The following GRIK4 variants were observed in gnomAD, a reference collection of about 807,000 sequenced individuals.
GRIK4 encodes the protein glutamate ionotropic receptor kainate type subunit 4, also known as glutamate receptor ionotropic, kainate 4.
Under a neutral mutation model 104.9 loss-of-function variants are expected in GRIK4, and 40 were observed. That is an observed-to-expected ratio of 0.38 (90% CI 0.30 to 0.50). The LOEUF (loss-of-function observed/expected upper bound fraction) is 0.50. Among genes scored for constraint, GRIK4 ranks in the 20% least tolerant of loss-of-function variants. GRIK4 has a pLI of 0.93. For synonymous variants in GRIK4, 485 were observed against 524.9 expected (o/e 0.92, Z 1.04); for missense variants, 1,047 against 1,308.1 (o/e 0.80, Z 3.08).
At chr11:120,579,307 A>G (rs12284644) in intron 1 of GRIK4, among the ~76,000 whole-genome samples, 76,947 of 151,290 alleles carry the variant, frequency 0.51, 20,533 homozygotes, top group African/African-American at 0.67. Context: ...AACTGAGGAG[A>G]CCACACTTAT....
chr11:120,665,223 T>G (rs1949892511), intron 3 of GRIK4, among the ~76,000 whole-genome samples: 1 of 152,150 alleles, frequency 6.6e-6, no homozygotes, highest in Non-Finnish European at 1.5e-5. Flanking sequence ...AGCTGAATTC[T>G]TTGCCTTGTA....
intron 3 of GRIK4, among the ~76,000 whole-genome samples, chr11:120,685,572 C>T (rs1950262505): frequency 6.6e-6 from 1 of 152,152 alleles, no homozygotes; most frequent in South Asian, 2.1e-4. Flanking sequence ...TTGCTGTGCC[C>T]CATGTCCCTG....
chr11:120,667,921 A>G (rs1423264041), intron 3 of GRIK4, among the ~76,000 whole-genome samples: 1 of 152,196 alleles, frequency 6.6e-6, no homozygotes, highest in Non-Finnish European at 1.5e-5. Context: ...GACTCTATCT[A>G]TCTGAGTATG....
At chr11:120,668,412 A>C (rs1325307700) in intron 3 of GRIK4, among the ~76,000 whole-genome samples, 1 of 152,052 alleles carries the variant, frequency 6.6e-6, no homozygotes, top group Non-Finnish European at 1.5e-5. Flanking sequence ...AAAGAAAACA[A>C]AAAGGAAAGA....
In GRIK4 at chr11:120,897,360, C is replaced by T. The variant is rs558797610; in HGVS notation, c.1165-1172C>T. On this transcript the variant is annotated intron_variant, in intron 11 of 20. Coordinates refer to ENST00000527524, the MANE Select transcript of GRIK4 (RefSeq NM_014619.5). ...GGTAAAAGAGTACATCTCGGCCGGG[C>T]GCGGTGGCTCATGCCTGTAATCCCA... 1.8e-3 allele frequency among the ~76,000 whole-genome samples: 259 copies of T among 145,692 alleles called. 1 individual carries two copies. The highest frequency in any genetic ancestry group is 4.3e-3 in the South Asian group (19 of 4,470).
intron 6 of GRIK4, among the ~76,000 whole-genome samples, chr11:120,826,766 C>T (rs1356738288): frequency 3.3e-5 from 5 of 152,218 alleles, no homozygotes; most frequent in Admixed American, 1.3e-4. Context: ...CCTGCCTGTT[C>T]CTGGAGCAAA....
intron 9 of GRIK4, among the ~76,000 whole-genome samples, chr11:120,866,839 AC>A (rs1173966306): frequency 6.6e-6 from 1 of 152,068 alleles, no homozygotes; most frequent in East Asian, 1.9e-4. Flanking sequence ...CTTGCTGAGG[AC>A]GGCAGGGCTC....
chr11:120,635,187 G>A (rs993245615), intron 1 of GRIK4, among the ~76,000 whole-genome samples: 1 of 152,162 alleles, frequency 6.6e-6, no homozygotes, highest in Non-Finnish European at 1.5e-5. Flanking sequence ...GATCATCTTG[G>A]GTTAGGAACC....
At position 120,909,375 on chromosome 11, in the gene GRIK4, G is replaced by T. The variant is rs543250795; in HGVS notation, c.1476+3882G>T. 3.3e-5 allele frequency among the ~76,000 whole-genome samples: 5 copies of T among 152,302 alleles called. No individual in the cohort carries two copies. The South Asian group carries it at 1.0e-3, about 32-fold the overall frequency. ...AGAAGTATATGTTTGCTAGTACAAA[G>T]AATAAAATTAGGCCAATTGTCAACA... On this transcript the variant is annotated intron_variant, in intron 13 of 20. Coordinates refer to ENST00000527524, the MANE Select transcript of GRIK4 (RefSeq NM_014619.5).
chr11:120,516,668 G>A (rs1423521340), intron 1 of GRIK4, among the ~76,000 whole-genome samples: 1 of 152,270 alleles, frequency 6.6e-6, no homozygotes, highest in African/African-American at 2.4e-5. Flanking sequence ...AGGCGAAAGG[G>A]GGGTAAGCTT....
chr11:120,706,091 C>T (rs1175298470), intron 3 of GRIK4, among the ~76,000 whole-genome samples: 1 of 152,160 alleles, frequency 6.6e-6, no homozygotes, highest in Non-Finnish European at 1.5e-5. Context: ...GGACAGCCAC[C>T]ATGACCAAGT....
Position 120,970,511 on chromosome 11 carries a change from C to A in GRIK4, c.2395+3188C>A, listed in dbSNP as rs112405438. ...TTGCTACTGAGTTGATCACATCTTT[C>A]CAGTTCCCCTTTTCCTCCCTGAACC... On this transcript the variant is annotated intron_variant, in intron 19 of 20. Transcript: ENST00000527524. Among the ~76,000 whole-genome samples the A allele has an allele frequency of 6.6e-5, 10 of 152,304 alleles. 1 individual carries two copies. Among genetic ancestry groups the A allele is most frequent in the East Asian group, 1.9e-4 (1 of 5,188 alleles).
intron 1 of GRIK4, among the ~76,000 whole-genome samples, chr11:120,612,228 A>C (rs1949046475): frequency 6.6e-6 from 1 of 152,176 alleles, no homozygotes. Context: ...CCATGGGTCC[A>C]TCTATAGTAG....
intron 3 of GRIK4, among the ~76,000 whole-genome samples, chr11:120,681,784 G>C (rs953364511): frequency 6.6e-6 from 1 of 152,244 alleles, no homozygotes; most frequent in Non-Finnish European, 1.5e-5. Context: ...AAATGGGCTG[G>C]AGGGGACAGA....
intron 1 of GRIK4, among the ~76,000 whole-genome samples, chr11:120,589,790 A>G (rs1241064747): frequency 3.9e-5 from 6 of 152,132 alleles, no homozygotes; most frequent in Admixed American, 3.3e-4. Flanking sequence ...TTTCATATAT[A>G]TTTAAAAGGT....
intron 3 of GRIK4, among the ~76,000 whole-genome samples, chr11:120,750,459 C>T (rs1432147710): frequency 2.7e-5 from 4 of 149,870 alleles, no homozygotes; most frequent in Non-Finnish European, 5.9e-5. Flanking sequence ...CTCCGCCTCC[C>T]GGATTCAAGT....
chr11:120,919,982 CAAG>C (rs1943192728), intron 13 of GRIK4, among the ~76,000 whole-genome samples: 1 of 152,042 alleles, frequency 6.6e-6, no homozygotes. Flanking sequence ...GGAAGGCTGG[CAAG>C]AGGCAGCACT....
chr11:120,914,610 C>G (rs1943067188), intron 13 of GRIK4, among the ~76,000 whole-genome samples: 1 of 152,102 alleles, frequency 6.6e-6, no homozygotes, highest in South Asian at 2.1e-4. Context: ...CACTGCAGTG[C>G]CGTTGGTTCT....
chr11:120,871,330 T>A, intron 9 of GRIK4: 1 of 283,036 alleles, frequency 3.5e-6, no homozygotes, highest in Non-Finnish European at 7.1e-6. Flanking sequence ...GGAAAGCGAG[T>A]TACATGGAAG....
Sources: gnomAD v4.1 joint callset for allele counts (sites outside exome capture counted in the v4.1 genomes callset) on GRCh38, gnomAD v4.1.1 for gene constraint, MANE v1.5 for transcripts, NCBI Gene and HGNC (gene_info 2026-07-23, HGNC 2026-07-21) for gene names.